Variants in TBXT observed in about 807,000 individuals in gnomAD.
TBXT encodes T brachyury transcription factor.
Under a neutral mutation model 41.1 loss-of-function variants are expected in TBXT, and 19 were observed. The observed-to-expected ratio is 0.46, with a 90% CI of 0.32 to 0.68. TBXT has a LOEUF of 0.68. Ranked by LOEUF, TBXT falls within the 30% of genes least tolerant of loss-of-function variation. The probability of loss-of-function intolerance (pLI) is 0.03; values close to 1 mark genes in which losing one functional copy is unlikely to be tolerated. For missense variants in TBXT, 536 were observed against 582.0 expected (o/e 0.92, Z 0.81); for synonymous variants, 213 against 238.9 (o/e 0.89, Z 1.00).
At chr6:166,162,851 G>A (rs1477796175) in intron 5 of TBXT, among the ~76,000 whole-genome samples, 1 of 151,810 alleles carries the variant, frequency 6.6e-6, no homozygotes, top group Non-Finnish European at 1.5e-5. Flanking sequence ...ACTCCAGAGA[G>A]CAGAGCCCAG....
rs758453282 is a variant in TBXT, at chr6:166,164,665, T to G, written c.670A>C (p.Ser224Arg). The change falls in exon 5 of 8, where the codon AGT becomes CGT. Residue 224 changes from serine to arginine, a missense_variant and splice_region_variant. By Grantham distance (110) the Ser-to-Arg change is moderately radical (BLOSUM62 -1). Coordinates refer to ENST00000366876, the MANE Select transcript of TBXT (RefSeq NM_001366285.2). ...TCCTCCATCATCTCTTTGTGATCACTTCTATCAAAATGAAAAAAAAAAAGT... is the reference window on the plus strand; with the variant it reads ...TCCTCCATCATCTCTTTGTGATCACGTCTATCAAAATGAAAAAAAAAAAGT... ...AKAFLDAKERSDHKEMMEEPG... is the reference protein window; with the variant it reads ...AKAFLDAKERRDHKEMMEEPG... 7 of 1,613,542 alleles carry G rather than the reference T, an allele frequency of 4.3e-6. No homozygotes were observed. Among genetic ancestry groups the G allele is most frequent in the African/African-American group, 1.3e-5 (1 of 74,692 alleles).
At chr6:166,164,268 G>C (rs1043586275) in intron 5 of TBXT, among the ~76,000 whole-genome samples, 5 of 151,856 alleles carry the variant, frequency 3.3e-5, no homozygotes, top group Middle Eastern at 6.3e-3. Flanking sequence ...AAGCCTCAAA[G>C]AGGAGGTAAT....
intron 1 of TBXT, among the ~76,000 whole-genome samples, 153 bp from the exon 2 acceptor site, chr6:166,167,009 C>T (rs1651391440): frequency 6.6e-6 from 1 of 152,230 alleles, no homozygotes; most frequent in African/African-American, 2.4e-5. Flanking sequence ...CTTCCCCGAG[C>T]CCTGCCAGGT....
At chr6:166,163,067 T>C (rs1337392110) in intron 5 of TBXT, among the ~76,000 whole-genome samples, 1 of 152,228 alleles carries the variant, frequency 6.6e-6, no homozygotes, top group Non-Finnish European at 1.5e-5. Flanking sequence ...TGTTTCCTCC[T>C]GAGAATCCTC....
chr6:166,165,336 GC>G lies in TBXT; in HGVS notation c.606+369del, dbSNP rs142284993. Among the ~76,000 whole-genome samples, 5 of 151,838 alleles carry G rather than the reference GC, an allele frequency of 3.3e-5. No homozygotes were observed. In the South Asian group the frequency reaches 6.3e-4, roughly 19 times the overall value. On this transcript the variant is annotated intron_variant, in intron 3 of 7. Coordinates refer to ENST00000366876, the MANE Select transcript of TBXT (RefSeq NM_001366285.2). ...TCACACTGCAGAGATTTGAGGGGTT[GC>G]CCCCCCACCCTTTGGGGAAGATTTC...
chr6:166,159,594 T>C (rs2128521448), intron 7 of TBXT, among the ~76,000 whole-genome samples: 1 of 152,356 alleles, frequency 6.6e-6, no homozygotes, highest in Non-Finnish European at 1.5e-5. Context: ...AAGGTGGAAA[T>C]GACTATTGAA....
At position 166,167,474 on chromosome 6, in the gene TBXT, G is replaced by C. The variant is rs763835047; in HGVS notation, c.118C>G (p.Arg40Gly). 8.1e-6 allele frequency: 13 copies of C among 1,612,004 alleles called. No individual in the cohort carries two copies. The South Asian group carries it at 1.1e-4, about 14-fold the overall frequency. ...AGSEKGDPTERELRVGLEESE... is the reference protein window; with the variant it reads ...AGSEKGDPTEGELRVGLEESE... ...TCCTCCAGGCCCACGCGCAGTTCGC[G>C]CTCTGTGGGGTCGCCCTTCTCGCTG... The change falls in exon 1 of 8, where the codon CGC becomes GGC. Residue 40 changes from arginine (R) to glycine (G), a missense_variant. By Grantham distance (125) the Arg-to-Gly change is moderately radical (BLOSUM62 -2). Coordinates refer to ENST00000366876, the MANE Select transcript of TBXT (RefSeq NM_001366285.2).
chr6:166,166,661 G>T lies in TBXT; in HGVS notation c.402C>A (p.Ala134=). Residue 134 remains alanine, a synonymous_variant, in exon 2 of 8, where the codon GCC becomes GCA. Transcript: ENST00000366876. ...YIHPDSPNFG[A]HWMKAPVSFS... The stretch of plus-strand genomic sequence containing the variant: ...AGGAGACGGGAGCCTTCATCCAGTG[G>T]GCCCCGAAGTTGGGCGAGTCGGGGT... The T allele has an allele frequency of 6.2e-7, 1 of 1,614,076 alleles. No homozygotes were observed. The highest frequency in any genetic ancestry group is 8.5e-7 in the Non-Finnish European group (1 of 1,180,036).
At position 166,166,856 on chromosome 6, in the gene TBXT, C is replaced by T. The variant is rs1344618253; in HGVS notation, c.207G>A (p.Arg69=). The T allele has an allele frequency of 9.9e-6, 16 of 1,613,694 alleles. No individual in the cohort carries two copies. The highest frequency in any genetic ancestry group is 3.3e-5 in the Admixed American group (2 of 60,038). The change falls in exon 2 of 8, where the codon AGG becomes AGA. Residue 69 remains arginine (R), a splice_region_variant and synonymous_variant. Coordinates refer to ENST00000366876, the MANE Select transcript of TBXT (RefSeq NM_001366285.2). ...TNEMIVTKNG[R]RMFPVLKVNV... ...TCACCTTCAGCACCGGAAACATCCTCCTGGAAAACACGGGGCGGGCGCAGG... is the reference window on the plus strand; with the variant it reads ...TCACCTTCAGCACCGGAAACATCCTTCTGGAAAACACGGGGCGGGCGCAGG...
At chr6:166,163,496 G>A (rs1196102540) in intron 5 of TBXT, among the ~76,000 whole-genome samples, 1 of 152,160 alleles carries the variant, frequency 6.6e-6, no homozygotes, top group African/African-American at 2.4e-5. Context: ...GGATTCTCAT[G>A]CCTCAGCCTC....
rs1014596947 is a variant in TBXT at position 166,157,933 on chromosome 6, A to G, written c.*382T>C. The G allele has an allele frequency of 1.1e-5, 4 of 349,220 alleles. No individual in the cohort carries two copies. Among genetic ancestry groups the G allele is most frequent in the Non-Finnish European group, 2.2e-5 (4 of 182,880 alleles). The allele number at this position is 349,220 out of a possible 1,614,324, so 21.6% of individuals were successfully genotyped here. On this transcript the variant is annotated 3_prime_UTR_variant, in exon 8 of 8. Transcript: ENST00000366876. ...TTAAGAGTGTGCTTTTTATCTCACT[A>G]AAGTAGGACTGGTGGAGTTTACAAA...
At chr6:166,158,798 C>T (rs1778867768) in intron 7 of TBXT, among the ~76,000 whole-genome samples, 1 of 152,208 alleles carries the variant, frequency 6.6e-6, no homozygotes, top group Admixed American at 6.5e-5. Flanking sequence ...TAATAAGAAA[C>T]AAAATCATCA....
chr6:166,166,951 A>C, intron 1 of TBXT, 95 bp from the exon 2 acceptor site: 1 of 1,588,720 alleles, frequency 6.3e-7, no homozygotes, highest in Non-Finnish European at 8.6e-7. Flanking sequence ...ATTTCGGGGC[A>C]CAGAGGAGCC....
chr6:166,161,799 T>C (rs1778963815), intron 6 of TBXT, among the ~76,000 whole-genome samples: 1 of 152,220 alleles, frequency 6.6e-6, no homozygotes, highest in Non-Finnish European at 1.5e-5. Flanking sequence ...GGCAGGCACC[T>C]GTAGTCCCAG....
At chr6:166,159,875 G>A (rs150800353) in intron 7 of TBXT, among the ~76,000 whole-genome samples, 3 of 152,324 alleles carry the variant, frequency 2.0e-5, no homozygotes, top group East Asian at 1.9e-4. Flanking sequence ...CTGATCGGGT[G>A]CAGGCTTCTG....
chr6:166,162,895 C>G (rs373215382), intron 5 of TBXT, among the ~76,000 whole-genome samples: 1 of 152,278 alleles, frequency 6.6e-6, no homozygotes, highest in African/African-American at 2.4e-5. Context: ...TCAGGGGCCC[C>G]TGATGGGGGA....
chr6:166,162,345 C>A, intron 6 of TBXT, 102 bp downstream of exon 6: 5 of 1,367,066 alleles, frequency 3.7e-6, no homozygotes, highest in Non-Finnish European at 1.0e-6. Flanking sequence ...TTCCAGAAAA[C>A]CGTCTCCATT....
chr6:166,166,526 C>G, intron 2 of TBXT, 66 bp downstream of exon 2: 2 of 1,610,006 alleles, frequency 1.2e-6, no homozygotes, highest in South Asian at 1.1e-5. Context: ...CCACAACCCC[C>G]GTGCAGAAGG....
intron 1 of TBXT, 88 bp downstream of exon 1, chr6:166,167,298 G>A (rs1779148603): frequency 2.7e-6 from 4 of 1,473,316 alleles, no homozygotes; most frequent in East Asian, 2.3e-5. Context: ...AGGAGAAAAA[G>A]GGTTCGACCT....
Sources: allele counts gnomAD v4.1 joint callset (sites outside exome capture counted in the v4.1 genomes callset), GRCh38; gene constraint gnomAD v4.1.1; transcripts MANE v1.5; gene names NCBI Gene and HGNC (gene_info 2026-07-23, HGNC 2026-07-21).